SIPA1L3: variants seen among roughly 807,000 people sequenced by gnomAD.
The protein encoded by SIPA1L3 is signal-induced proliferation-associated 1-like protein 3.
SIPA1L3 carries 59 observed loss-of-function variants against 150.1 expected under a neutral mutation model. That is an observed-to-expected ratio of 0.39 (90% CI 0.32 to 0.49). The LOEUF is 0.49. SIPA1L3 is among the 20% of genes least tolerant of loss of function. SIPA1L3 has a pLI of 0.86. For synonymous variants in SIPA1L3, 1,070 were observed against 1,077.6 expected (o/e 0.99, Z 0.14); for missense variants, 2,211 against 2,489.5 (o/e 0.89, Z 2.38).
At position 37,954,083 on chromosome 19, in the gene SIPA1L3, TA is replaced by T. The variant is rs544312591; in HGVS notation, c.-379+46733del. On this transcript the variant is annotated intron_variant, in intron 1 of 21. Coordinates refer to ENST00000222345, the MANE Select transcript of SIPA1L3 (RefSeq NM_015073.3). ...TGAAATATTTTATGATGTGGTTAGA[TA>T]AAAAAAAGTTTTTACTACCTTATTG... Among the ~76,000 whole-genome samples the T allele has an allele frequency of 4.7e-3, 720 of 152,032 alleles. 4 individuals are homozygous for T. Among genetic ancestry groups the T allele is most frequent in the African/African-American group, 0.017 (696 of 41,458 alleles).
intron 8 of SIPA1L3, among the ~76,000 whole-genome samples, chr19:38,113,809 A>G (rs1049816135): frequency 2.6e-5 from 4 of 152,136 alleles, no homozygotes; most frequent in Admixed American, 2.0e-4. Flanking sequence ...TGTTGAATAA[A>G]TAATTCTGAG....
rs375323433 is a variant in SIPA1L3, at chr19:38,198,353, C to T, written c.4841-36C>T. On this transcript the variant is annotated intron_variant, in intron 18 of 21. Coordinates refer to ENST00000222345, the MANE Select transcript of SIPA1L3 (RefSeq NM_015073.3). Reference sequence around the variant, plus strand: ...TGTATTTGTGTCTCCCGCATTGTCACACTCAACCACTGCCATCTCCACCCT... The same window carrying T: ...TGTATTTGTGTCTCCCGCATTGTCATACTCAACCACTGCCATCTCCACCCT... The T allele has an allele frequency of 5.9e-5, 88 of 1,482,568 alleles. No individual in the cohort carries two copies. In the Admixed American group the frequency reaches 6.7e-4, roughly 11 times the overall value. 91.8% of individuals were successfully genotyped at this position (1,482,568 alleles called of 1,614,324 possible). A position where few individuals can be genotyped will look rare whatever the true frequency, so the allele number is the denominator to read the frequency against.
At chr19:38,056,188 C>A (rs568704937) in intron 2 of SIPA1L3, among the ~76,000 whole-genome samples, 9 of 152,234 alleles carry the variant, frequency 5.9e-5, no homozygotes, top group Non-Finnish European at 1.3e-4. Context: ...CCAGTCGGTC[C>A]CTTCTCTGCA....
At chr19:37,957,808 C>T (rs2046824439) in intron 1 of SIPA1L3, among the ~76,000 whole-genome samples, 2 of 152,080 alleles carry the variant, frequency 1.3e-5, no homozygotes, top group South Asian at 4.1e-4. Flanking sequence ...GACTTCTGAG[C>T]TCAAGTGATC....
Position 38,150,699 on chromosome 19 carries a change from C to A in SIPA1L3, c.3534-2141C>A, listed in dbSNP as rs181351921. Among the ~76,000 whole-genome samples the A allele has an allele frequency of 2.7e-4, 41 of 152,184 alleles. 1 individual carries two copies. Among genetic ancestry groups the A allele is most frequent in the African/African-American group, 9.9e-4 (41 of 41,524 alleles). On this transcript the variant is annotated intron_variant, in intron 12 of 21. Transcript: ENST00000222345. ...GATGTCACAGGCACACACCACCACA[C>A]CTGGCTAATTTTTATATTTTTAGTA... is the stretch of plus-strand genomic sequence containing the variant.
At chr19:38,108,944 G>A (rs1252224730) in intron 7 of SIPA1L3, among the ~76,000 whole-genome samples, 2 of 151,846 alleles carry the variant, frequency 1.3e-5, no homozygotes, top group East Asian at 1.9e-4. Flanking sequence ...AGCCGAGATC[G>A]CACCATTGCA....
At chr19:37,986,406 A>T (rs1192564077) in intron 1 of SIPA1L3, among the ~76,000 whole-genome samples, 1 of 152,190 alleles carries the variant, frequency 6.6e-6, no homozygotes, top group African/African-American at 2.4e-5. Flanking sequence ...AGACACTTGC[A>T]TTCGACTTCT....
chr19:38,203,954 GGA>G (rs1483736772), intron 20 of SIPA1L3, 171 bp from the exon 21 acceptor site: 2 of 593,730 alleles, frequency 3.4e-6, no homozygotes, highest in African/African-American at 3.7e-5. Flanking sequence ...CTTGGTGGGT[GGA>G]GTGTGCCGGG....
At chr19:38,118,919 G>A (rs907035054) in intron 8 of SIPA1L3, among the ~76,000 whole-genome samples, 1 of 143,510 alleles carries the variant, frequency 7.0e-6, no homozygotes, top group Non-Finnish European at 1.5e-5. Flanking sequence ...AACTGGCCGC[G>A]TGTGGTGGCT....
At chr19:38,122,548 C>T (rs1312528481) in intron 9 of SIPA1L3, among the ~76,000 whole-genome samples, 4 of 152,170 alleles carry the variant, frequency 2.6e-5, no homozygotes, top group Admixed American at 6.5e-5. Flanking sequence ...TTCTCTGTGG[C>T]CTGTTCTCGA....
At chr19:37,922,738 T>G (rs2046467844) in intron 1 of SIPA1L3, among the ~76,000 whole-genome samples, 1 of 151,968 alleles carries the variant, frequency 6.6e-6, no homozygotes, top group Admixed American at 6.6e-5. Flanking sequence ...AGCACTGTTC[T>G]AGATACCAGG....
intron 13 of SIPA1L3, among the ~76,000 whole-genome samples, chr19:38,159,578 G>A (rs757945385): frequency 7.2e-5 from 11 of 152,270 alleles, no homozygotes; most frequent in Non-Finnish European, 1.6e-4. Context: ...ACCACTGCCA[G>A]CATTGCCGTT....
At chr19:38,118,634 C>T (rs1183842505) in intron 8 of SIPA1L3, among the ~76,000 whole-genome samples, 1 of 151,652 alleles carries the variant, frequency 6.6e-6, no homozygotes, top group African/African-American at 2.4e-5. Flanking sequence ...CCCAGGTTCA[C>T]GCCGTTCTCC....
Position 38,055,616 on chromosome 19 carries a change from A to G in SIPA1L3, c.-310-25640A>G, listed in dbSNP as rs148362166. ...TATCCTGCCACCCCAACAAATGTGGACCTCTCTCAAGGAATCAGAAGAGGA... is the reference window on the plus strand; with the variant it reads ...TATCCTGCCACCCCAACAAATGTGGGCCTCTCTCAAGGAATCAGAAGAGGA... On this transcript the variant is annotated intron_variant, in intron 2 of 21. Transcript: ENST00000222345. Among the ~76,000 whole-genome samples the G allele has an allele frequency of 4.1e-3, 627 of 152,314 alleles. 6 individuals carry two copies. The highest frequency in any genetic ancestry group is 0.02 in the East Asian group (102 of 5,178).
At chr19:38,044,399 G>A (rs922267804) in intron 2 of SIPA1L3, among the ~76,000 whole-genome samples, 1 of 152,320 alleles carries the variant, frequency 6.6e-6, no homozygotes, top group South Asian at 2.1e-4. Context: ...GAAGAGCGAA[G>A]CTGTGCGGAG....
intron 15 of SIPA1L3, among the ~76,000 whole-genome samples, chr19:38,177,002 C>A (rs948830362): frequency 6.6e-6 from 1 of 151,696 alleles, no homozygotes; most frequent in Non-Finnish European, 1.5e-5. Flanking sequence ...AAAAAACAAA[C>A]AAACAAACAA....
chr19:38,122,556 C>T (rs894914477), intron 9 of SIPA1L3, among the ~76,000 whole-genome samples: 1 of 152,156 alleles, frequency 6.6e-6, no homozygotes, highest in African/African-American at 2.4e-5. Context: ...GGCCTGTTCT[C>T]GACGTGGTAG....
At chr19:38,155,749 C>T (rs1257746536) in intron 13 of SIPA1L3, among the ~76,000 whole-genome samples, 1 of 152,104 alleles carries the variant, frequency 6.6e-6, no homozygotes, top group Admixed American at 6.6e-5. Flanking sequence ...CTGCATGCCC[C>T]AAGATTCGTG....
chr19:38,096,611 G>T (rs1053205590), intron 4 of SIPA1L3, among the ~76,000 whole-genome samples: 1 of 152,088 alleles, frequency 6.6e-6, no homozygotes, highest in Non-Finnish European at 1.5e-5. Flanking sequence ...AAGCCCCCTG[G>T]AGAGGGATTT....
Sources: allele counts gnomAD v4.1 joint callset (sites outside exome capture counted in the v4.1 genomes callset), GRCh38; gene constraint gnomAD v4.1.1; transcripts MANE v1.5; gene names NCBI Gene and HGNC (gene_info 2026-07-23, HGNC 2026-07-21).